Variants in RAB43 observed in about 807,000 individuals in gnomAD.
The protein encoded by RAB43 is ras-related protein Rab-43.
A neutral mutation model predicts 18.8 loss-of-function variants in RAB43; 6 were observed. That is an observed-to-expected ratio of 0.32 (90% CI 0.17 to 0.63). The LOEUF (loss-of-function observed/expected upper bound fraction) is 0.63, where lower values mean the gene tolerates loss of function less well. Ranked by LOEUF, RAB43 falls within the 30% of genes least tolerant of loss-of-function variation. The pLI is 0.79. For missense variants in RAB43, 195 were observed against 289.1 expected (o/e 0.67, Z 2.36); for synonymous variants, 103 against 124.1 (o/e 0.83, Z 1.13).
At chr3:129,114,316 T>C (rs1935353484) in intron 1 of RAB43, among the ~76,000 whole-genome samples, 1 of 152,166 alleles carries the variant, frequency 6.6e-6, no homozygotes, top group Non-Finnish European at 1.5e-5. Flanking sequence ...TTTTCATTTG[T>C]GGGTTTGTGT....
intron 1 of RAB43, among the ~76,000 whole-genome samples, chr3:129,119,052 T>C (rs1357770659): frequency 1.3e-5 from 2 of 152,262 alleles, no homozygotes; most frequent in Middle Eastern, 3.2e-3. Flanking sequence ...GATAGTGATG[T>C]GGCTGCTTGT....
At chr3:129,097,662 A>G (rs1934146494) in intron 1 of RAB43, among the ~76,000 whole-genome samples, 1 of 152,126 alleles carries the variant, frequency 6.6e-6, no homozygotes, top group Non-Finnish European at 1.5e-5. Context: ...TCCCAGGATA[A>G]TACCTGAGCA....
chr3:129,101,074 G>C (rs1934383189), intron 1 of RAB43, among the ~76,000 whole-genome samples: 1 of 152,210 alleles, frequency 6.6e-6, no homozygotes, highest in Admixed American at 6.5e-5. Flanking sequence ...CCAAAGTGCT[G>C]GGATTGCAGG....
At chr3:129,121,066 T>TC (rs1560007903) in intron 1 of RAB43, among the ~76,000 whole-genome samples, 1 of 47,294 alleles carries the variant, frequency 2.1e-5, no homozygotes, top group African/African-American at 9.9e-5. Context: ...CCACACTCCC[T>TC]CGCCCCCCCC....
chr3:129,108,238 C>G (rs1051950108), intron 1 of RAB43, among the ~76,000 whole-genome samples: 1 of 152,228 alleles, frequency 6.6e-6, no homozygotes, highest in Non-Finnish European at 1.5e-5. Flanking sequence ...CCAAGCTCCA[C>G]AGAACTCAGC....
intron 2 of RAB43, 33 bp downstream of exon 2, chr3:129,094,953 G>A: frequency 1.3e-6 from 2 of 1,593,800 alleles, no homozygotes; most frequent in South Asian, 1.1e-5. Flanking sequence ...GCAGAGTGAT[G>A]GGATTTGTGG....
intron 2 of RAB43, among the ~76,000 whole-genome samples, chr3:129,094,505 C>CTTTTTTTTTTTTTT (rs200896936): frequency 2.9e-5 from 2 of 69,102 alleles, no homozygotes; most frequent in Admixed American, 2.6e-4. Flanking sequence ...ATATAACTTT[C>CTTTTTTTTTTTTTT]TTTTTTTTTT....
intron 1 of RAB43, among the ~76,000 whole-genome samples, chr3:129,119,587 C>T (rs1232641442): frequency 3.3e-5 from 5 of 152,202 alleles, no homozygotes; most frequent in African/African-American, 4.8e-5. Context: ...AGAAGGTCAG[C>T]GGCTATAACT....
chr3:129,095,206 C>T lies in RAB43; in HGVS notation c.205-37G>A, dbSNP rs1280565592. The T allele has an allele frequency of 1.9e-6, 3 of 1,597,202 alleles. No individual in the cohort carries two copies. Among genetic ancestry groups the T allele is most frequent in the African/African-American group, 2.7e-5 (2 of 74,826 alleles). On this transcript the variant is annotated intron_variant, in intron 1 of 2. Coordinates refer to ENST00000315150, the MANE Select transcript of RAB43 (RefSeq NM_198490.3). This position sits in a 1 kb window ranked among gnomAD's most constrained non-coding sequence, Gnocchi z 4.2. ...AGGTTCCTCAGTGAACCCAGTGGCA[C>T]AGGCTGAACATGGGGACAGGCAGAG...
intron 1 of RAB43, among the ~76,000 whole-genome samples, chr3:129,111,448 G>A (rs1351348992): frequency 1.3e-5 from 2 of 149,104 alleles, no homozygotes; most frequent in East Asian, 2.0e-4. Flanking sequence ...CTGGGAGGCC[G>A]AAGTTGCAAT....
At chr3:129,105,893 C>A (rs1298812619) in intron 1 of RAB43, among the ~76,000 whole-genome samples, 1 of 152,176 alleles carries the variant, frequency 6.6e-6, no homozygotes, top group Non-Finnish European at 1.5e-5. Context: ...CTCTTGCCAT[C>A]AGGAATGGGT....
chr3:129,113,370 TG>T (rs1380936694), intron 1 of RAB43, among the ~76,000 whole-genome samples: 5 of 152,020 alleles, frequency 3.3e-5, no homozygotes, highest in Non-Finnish European at 7.4e-5. Flanking sequence ...TTCACCATGT[TG>T]GCCAGGCTGG....
At chr3:129,100,035 C>T (rs1354556806) in intron 1 of RAB43, among the ~76,000 whole-genome samples, 3 of 151,860 alleles carry the variant, frequency 2.0e-5, no homozygotes, top group Admixed American at 2.0e-4. Context: ...TCAGCAAACC[C>T]CAAGCAGAAA....
chr3:129,110,873 T>C (rs756264004), intron 1 of RAB43, among the ~76,000 whole-genome samples: 30 of 151,736 alleles, frequency 2.0e-4, no homozygotes, highest in South Asian at 4.2e-4. Context: ...TTTTATCATA[T>C]GTGGATTATA....
chr3:129,121,877 C>CCAGCCCAACCCTCGGGCCCACCT (rs1487121790), upstream of RAB43: 1 of 153,226 alleles, frequency 6.5e-6, no homozygotes, highest in Non-Finnish European at 1.4e-5. Flanking sequence ...CACTCCGCCC[C>CCAGCCCAACCCTCGGGCCCACCT]CAGCCCAACC....
intron 1 of RAB43, among the ~76,000 whole-genome samples, chr3:129,097,557 A>T (rs1403761124): frequency 6.6e-6 from 1 of 152,214 alleles, no homozygotes; most frequent in African/African-American, 2.4e-5. Flanking sequence ...TAAAGAAATC[A>T]ACAAAAAATA....
chr3:129,096,009 C>T (rs913028831), intron 1 of RAB43, among the ~76,000 whole-genome samples: 16 of 152,202 alleles, frequency 1.1e-4, no homozygotes, highest in Admixed American at 9.8e-4. Flanking sequence ...TGACCAAACA[C>T]CTTGGGGATC....
chr3:129,114,743 T>C (rs1254504669), intron 1 of RAB43, among the ~76,000 whole-genome samples: 2 of 152,214 alleles, frequency 1.3e-5, no homozygotes, highest in African/African-American at 4.8e-5. Context: ...GTGGATATCC[T>C]GAGTCACAGC....
At chr3:129,118,886 A>G (rs948697808) in intron 1 of RAB43, among the ~76,000 whole-genome samples, 3 of 152,192 alleles carry the variant, frequency 2.0e-5, no homozygotes, top group African/African-American at 7.2e-5. Context: ...AAAAAACAAC[A>G]ATAAGCTCTG....
Sources: gnomAD v4.1 joint callset for allele counts (sites outside exome capture counted in the v4.1 genomes callset) on GRCh38, gnomAD v4.1.1 for gene constraint, Gnocchi (gnomAD v3.1) non-coding constraint, MANE v1.5 for transcripts, NCBI Gene and HGNC (gene_info 2026-07-23, HGNC 2026-07-21) for gene names.